MCM3: variants seen among roughly 807,000 people sequenced by gnomAD.
The protein encoded by MCM3 is minichromosome maintenance complex component 3.
Under a neutral mutation model 91.3 loss-of-function variants are expected in MCM3, and 59 were observed. The ratio of observed to expected loss-of-function variants is 0.65; its 90% CI spans 0.52 to 0.80. The LOEUF is 0.80. Among genes scored for constraint, MCM3 ranks in the 30% least tolerant of loss-of-function variants. The pLI is 0.00. For missense variants in MCM3, 919 were observed against 1,035.4 expected, an observed-to-expected ratio of 0.89 and a Z score of 1.54; for synonymous variants, 383 against 379.6, an observed-to-expected ratio of 1.01 and a Z score of -0.10.
Position 52,264,549 on chromosome 6 carries a change from A to G in MCM3, c.*39T>C. 1 of 1,608,944 alleles carries G rather than the reference A, an allele frequency of 6.2e-7. No homozygotes were observed. Among genetic ancestry groups the G allele is most frequent in the Non-Finnish European group, 8.5e-7 (1 of 1,175,686 alleles). On this transcript the variant is annotated 3_prime_UTR_variant, in exon 17 of 17. Transcript: ENST00000596288. ...GGAGAGGGTGGGAAACACAGAACAA[A>G]CTCTCTCGGCACAACCCAAGTTCAG...
Position 52,283,410 on chromosome 6 carries a change from CA to C in MCM3, c.79-5del. ...TCTGATAAATTCCCTGGTCTTCCTG[CA>C]AAACAGCCACCACATATCACCATAG... On this transcript the variant is annotated splice_polypyrimidine_tract_variant and splice_region_variant and intron_variant, in intron 1 of 16. Transcript: ENST00000596288. 6.3e-7 allele frequency: 1 copy of C among 1,597,010 alleles called. No homozygotes were observed. The highest frequency in any genetic ancestry group is 8.6e-7 in the Non-Finnish European group (1 of 1,164,368).
rs766649577 is a variant in MCM3 at position 52,265,427 on chromosome 6, T to C, written c.2229-641A>G. ...ATAAACACTGTAAAAAAGTAAAAAA[T>C]AAACACTGCACTCCGGTCTCAAAAA... On this transcript the variant is annotated intron_variant, in intron 16 of 16. Transcript: ENST00000596288. The C allele has an allele frequency of 1.4e-5, 3 of 207,608 alleles. No homozygotes were observed. The South Asian group carries it at 1.8e-4, about 13-fold the overall frequency. 12.9% of individuals were successfully genotyped at this position (207,608 alleles called of 1,614,324 possible).
chr6:52,284,171 T>C (rs932416620), intron 1 of MCM3, among the ~76,000 whole-genome samples: 10 of 152,246 alleles, frequency 6.6e-5, no homozygotes, highest in East Asian at 3.8e-4. Context: ...AGCCGAATTA[T>C]GGAGTCTTTT....
chr6:52,264,661 A>G lies in MCM3; in HGVS notation c.2354T>C (p.Ile785Thr). 6.2e-7 allele frequency: 1 copy of G among 1,614,176 alleles called. No homozygotes were observed. Among genetic ancestry groups the G allele is most frequent in the Non-Finnish European group, 8.5e-7 (1 of 1,180,032 alleles). The change falls in exon 17 of 17, where the codon ATC becomes ACC. Residue 785 changes from isoleucine (I) to threonine (T), a missense_variant. Physicochemically the swap from Ile to Thr is moderately conservative, Grantham distance 89 (BLOSUM62 -1). Coordinates refer to ENST00000596288, the MANE Select transcript of MCM3 (RefSeq NM_002388.6). ...CTGCATCTTGCTCAGAGCAGCCTGG[A>G]TCTCAACTGAAGAGAAGGGCTCTTC... Reference protein sequence around the residue: ...DSEEPFSSVEIQAALSKMQDD... With the variant: ...DSEEPFSSVETQAALSKMQDD...
rs374000260 is a variant in MCM3, at chr6:52,276,308, C to T, written c.1334G>A (p.Arg445His). The T allele has an allele frequency of 9.2e-5, 148 of 1,612,818 alleles. No individual in the cohort carries two copies. In the East Asian group the frequency reaches 1.6e-3, roughly 17 times the overall value. ...GTTGGCAGCTGCCAAAACACTGCAG[C>T]GGGCATTCAGCCGAGCATGGATGCC... ...KAGIHARLNARCSVLAAANPV... is the reference protein window; with the variant it reads ...KAGIHARLNAHCSVLAAANPV... The change falls in exon 9 of 17, where the codon CGC becomes CAC. Residue 445 changes from arginine (R) to histidine (H), a missense_variant. Physicochemically the swap from Arg to His is conservative, Grantham distance 29. This residue lies in a region of MCM3 where 233 missense variants were observed against 321.2 expected (regional missense o/e 0.73). Transcript: ENST00000596288.
chr6:52,266,482 C>T (rs1764650433), intron 15 of MCM3, 129 bp downstream of exon 15: 4 of 834,694 alleles, frequency 4.8e-6, no homozygotes, highest in Non-Finnish European at 7.9e-6. Context: ...GGACAAACCT[C>T]TTGGACATAG....
intron 9 of MCM3, among the ~76,000 whole-genome samples, chr6:52,274,141 A>G (rs985766473): frequency 7.9e-5 from 12 of 152,168 alleles, no homozygotes; most frequent in African/African-American, 2.9e-4. Flanking sequence ...CCCACTTTCT[A>G]CTACAGGAAC....
intron 12 of MCM3, among the ~76,000 whole-genome samples, chr6:52,271,014 C>T (rs1765090646): frequency 6.6e-6 from 1 of 151,786 alleles, no homozygotes; most frequent in South Asian, 2.1e-4. Flanking sequence ...AGATTGAGAC[C>T]AGCCTGGTCA....
chr6:52,266,106 C>T lies in MCM3; in HGVS notation c.2197G>A (p.Glu733Lys). The T allele has an allele frequency of 6.2e-7, 1 of 1,614,098 alleles. No homozygotes were observed. The highest frequency in any genetic ancestry group is 8.5e-7 in the Non-Finnish European group (1 of 1,179,990). The change falls in exon 16 of 17, where the codon GAA (glutamate) becomes AAA (lysine). Residue 733 changes from glutamate (E) to lysine (K), a missense_variant. Coordinates refer to ENST00000596288, the MANE Select transcript of MCM3 (RefSeq NM_002388.6). ...TCACTCAACTCCACTTTCTGGGATT[C>T]CTTGGTCTCCTGTGAGTCTGCCGTC... ...PKTADSQETK[E>K]SQKVELSESR...
chr6:52,272,802 A>C (rs1765246770), intron 11 of MCM3, among the ~76,000 whole-genome samples: 1 of 152,228 alleles, frequency 6.6e-6, no homozygotes, highest in African/African-American at 2.4e-5. Context: ...TTCTTACTGC[A>C]TCATGGCCAA....
At chr6:52,283,239 C>T in intron 2 of MCM3, 55 bp downstream of exon 2, 2 of 1,454,996 alleles carry the variant, frequency 1.4e-6, no homozygotes, top group Non-Finnish European at 1.9e-6. Flanking sequence ...CCAATCTGGC[C>T]AAGAGGGAAG....
rs1765648736 is a variant in MCM3, at chr6:52,277,172, G to C, written c.1060C>G (p.Leu354Val). Residue 354 changes from leucine to valine, a missense_variant, in exon 8 of 17, where the codon CTT (leucine) becomes GTT (valine). By Grantham distance (32) the Leu-to-Val change is conservative. Coordinates refer to ENST00000596288, the MANE Select transcript of MCM3 (RefSeq NM_002388.6). ...GCAGTGCAAAGCACATACCGCAGAA[G>C]CTGAGACTTGGCAACGGATGGGTCT... Reference protein sequence around the residue: ...IGDPSVAKSQLLRYVLCTAPR... With the variant: ...IGDPSVAKSQVLRYVLCTAPR... 1 of 1,613,622 alleles carries C rather than the reference G, an allele frequency of 6.2e-7. No homozygotes were observed. Among genetic ancestry groups the C allele is most frequent in the Non-Finnish European group, 8.5e-7 (1 of 1,179,910 alleles).
intron 1 of MCM3, among the ~76,000 whole-genome samples, chr6:52,283,823 TA>T (rs1483517923): frequency 6.6e-6 from 1 of 152,248 alleles, no homozygotes; most frequent in Non-Finnish European, 1.5e-5. Context: ...TTCACTGTAG[TA>T]ATCATTTCAC....
rs372824866 is a variant in MCM3 at position 52,282,811 on chromosome 6, T to C, written c.242A>G (p.Lys81Arg). 6.2e-7 allele frequency: 1 copy of C among 1,614,096 alleles called. No homozygotes were observed. The highest frequency in any genetic ancestry group is 8.5e-7 in the Non-Finnish European group (1 of 1,180,032). The change falls in exon 3 of 17, where the codon AAG becomes AGG. Residue 81 changes from lysine to arginine, a missense_variant. Physicochemically the swap from Lys to Arg is conservative, Grantham distance 26. This residue lies in a region of MCM3 where 401 missense variants were observed against 402.7 expected (regional missense o/e 1.00). Coordinates refer to ENST00000596288, the MANE Select transcript of MCM3 (RefSeq NM_002388.6). The part of the protein sequence containing the change: ...EELVAFQRAL[K>R]DFVASIDATY... ...AGCATCAATGGAGGCCACAAAATCC[T>C]TTAAGGCCCGCTGGAAGGCAACCAG...
At chr6:52,271,611 C>T (rs903915204) in intron 12 of MCM3, among the ~76,000 whole-genome samples, 1 of 152,150 alleles carries the variant, frequency 6.6e-6, no homozygotes, top group African/African-American at 2.4e-5. Flanking sequence ...CATTGCACTC[C>T]AGCCTAGCCA....
intron 9 of MCM3, 100 bp downstream of exon 9, chr6:52,276,168 C>T: frequency 1.8e-6 from 2 of 1,088,866 alleles, no homozygotes; most frequent in Non-Finnish European, 2.7e-6. Context: ...AGTCTTTGGC[C>T]TATTATTCCC....
At chr6:52,267,785 C>T (rs1435599437) in intron 14 of MCM3, 80 bp downstream of exon 14, 1 of 721,054 alleles carries the variant, frequency 1.4e-6, no homozygotes, top group Non-Finnish European at 2.6e-6. Context: ...CTCGGCCTCC[C>T]AAATTGCTAA....
At position 52,282,148 on chromosome 6, in the gene MCM3, C is replaced by T. The variant is rs765811660; in HGVS notation, c.428G>A (p.Arg143His). 25 of 1,613,870 alleles carry T rather than the reference C, an allele frequency of 1.5e-5. No individual in the cohort carries two copies. Among genetic ancestry groups the T allele is most frequent in the Non-Finnish European group, 1.7e-5 (20 of 1,179,930 alleles). The change falls in exon 4 of 17, where the codon CGC becomes CAC. Residue 143 changes from arginine (R) to histidine (H), a missense_variant. Physicochemically the swap from Arg to His is conservative, Grantham distance 29 (BLOSUM62 0). Around this residue, in one of 3 missense-constraint regions of MCM3, gnomAD observed 401 missense variants for 402.7 expected, o/e 1.00. Coordinates refer to ENST00000596288, the MANE Select transcript of MCM3 (RefSeq NM_002388.6). The stretch of plus-strand genomic sequence containing the variant: ...AGTAGCAGGACAGTAGTGGACACTG[C>T]GGACGACTTTGGGACGAACTAGAGA... Reference protein sequence around the residue: ...KCSLVRPKVVRSVHYCPATKK... With the variant: ...KCSLVRPKVVHSVHYCPATKK...
At chr6:52,283,473 G>C (rs1284216116) in intron 1 of MCM3, 67 bp from the exon 2 acceptor site, 2 of 1,104,144 alleles carry the variant, frequency 1.8e-6, no homozygotes, top group Non-Finnish European at 2.8e-6. Context: ...AACAGAAGTA[G>C]TTCTCATAGC....
Sources: gnomAD v4.1 joint callset for allele counts (sites outside exome capture counted in the v4.1 genomes callset) on GRCh38, gnomAD v4.1.1 for gene constraint, gnomAD v4.1.1 regional missense constraint, MANE v1.5 for transcripts, NCBI Gene and HGNC (gene_info 2026-07-23, HGNC 2026-07-21) for gene names.